The following SH3BP5 variants were observed in gnomAD, a reference collection of about 807,000 sequenced individuals.
SH3BP5 encodes the protein SH3 domain binding protein 5.
In SH3BP5, 22 loss-of-function variants were observed where a neutral mutation model predicts 43.3. That is an observed-to-expected ratio of 0.51 (90% CI 0.36 to 0.73). The LOEUF (loss-of-function observed/expected upper bound fraction) is 0.73. Among genes scored for constraint, SH3BP5 ranks in the 30% least tolerant of loss-of-function variants. The pLI is 0.00. For missense variants in SH3BP5, 529 were observed against 586.9 expected, an observed-to-expected ratio of 0.90 and a Z score of 1.02; for synonymous variants, 255 against 225.8, an observed-to-expected ratio of 1.13 and a Z score of -1.16.
chr3:15,302,896 C>T (rs1697792380), intron 3 of SH3BP5, among the ~76,000 whole-genome samples: 1 of 151,812 alleles, frequency 6.6e-6, no homozygotes, highest in Non-Finnish European at 1.5e-5. Context: ...GCAACCTCCA[C>T]CTCCCAGGTT....
rs1195091748 is a variant in SH3BP5 at position 15,256,602 on chromosome 3, C to T, written c.1150+251G>A. Reference sequence around the variant, plus strand: ...GAGAAACAAACCTCTCTACTATGTGCTTGCCAAGGAGACTGTTCTGATGTG... The same window carrying T: ...GAGAAACAAACCTCTCTACTATGTGTTTGCCAAGGAGACTGTTCTGATGTG... On this transcript the variant is annotated intron_variant, in intron 8 of 8. Transcript: ENST00000383791. 5.0e-6 allele frequency: 3 copies of T among 594,940 alleles called. No individual in the cohort carries two copies. The East Asian group carries it at 8.4e-5, about 17-fold the overall frequency. The allele number at this position is 594,940 out of a possible 1,614,324, so 36.9% of individuals were successfully genotyped here.
intron 4 of SH3BP5, among the ~76,000 whole-genome samples, chr3:15,267,762 G>T (rs1696684822): frequency 6.6e-6 from 1 of 152,182 alleles, no homozygotes; most frequent in South Asian, 2.1e-4. Flanking sequence ...GGAGGTCTGG[G>T]GATGCCACTC....
intron 2 of SH3BP5, among the ~76,000 whole-genome samples, chr3:15,311,498 TGCAGTGA>T (rs1486800949): frequency 6.6e-6 from 1 of 152,062 alleles, no homozygotes; most frequent in Non-Finnish European, 1.5e-5. Context: ...AAGTGGAGGT[TGCAGTGA>T]GCTGAGATCA....
In SH3BP5 at chr3:15,260,697, G is replaced by A. The variant is rs554761777; in HGVS notation, c.627-894C>T. 2.0e-5 allele frequency: 3 copies of A among 152,354 alleles called. No homozygotes were observed. In the South Asian group the frequency reaches 6.2e-4, roughly 32 times the overall value. The allele number at this position is 152,354 out of a possible 1,614,324, so 9.4% of individuals were successfully genotyped here. On this transcript the variant is annotated intron_variant, in intron 5 of 8. Transcript: ENST00000383791. ...GTGTGAATGGGCATCGGAGGGCACA[G>A]GGAAGATGTCCCAGCAAAAGGAACA...
In SH3BP5 at chr3:15,307,092, G is replaced by A. The variant is rs193158470; in HGVS notation, c.202-2861C>T. ...GCTTGCTAGTGGGTTTGAAAACGCC[G>A]CCGGCATTCCAAAATATGAGGATAA... is the stretch of plus-strand genomic sequence containing the variant. On this transcript the variant is annotated intron_variant, in intron 2 of 8. Transcript: ENST00000383791. Among the ~76,000 whole-genome samples the A allele has an allele frequency of 2.7e-4, 41 of 152,194 alleles. No homozygotes were observed. The East Asian group carries it at 4.6e-3, about 17-fold the overall frequency.
At chr3:15,332,613 G>A, upstream of SH3BP5, 1 of 1,187,380 alleles carries the variant, frequency 8.4e-7, no homozygotes, top group Non-Finnish European at 1.0e-6. Flanking sequence ...CCCCCTTTCT[G>A]CCGCGGCAGT....
chr3:15,332,312 G>T lies in SH3BP5; in HGVS notation c.97C>A (p.Gln33Lys). ...ACCTCTTCTTCCTCCTCCAGCCCCT[G>T]CTCCATCCCCTCTTCCTCCTCCTCC... ...EEEEEEEGME[Q>K]GLEEEEEVDP... is the part of the protein sequence containing the mutation. Residue 33 changes from glutamine to lysine, a missense_variant, in exon 1 of 9, where the codon CAG (glutamine) becomes AAG (lysine). By Grantham distance (53) the Gln-to-Lys change is moderately conservative. This residue lies in a region of SH3BP5 where 75 missense variants were observed against 61.8 expected (regional missense o/e 1.21). Coordinates refer to ENST00000383791, the MANE Select transcript of SH3BP5 (RefSeq NM_004844.5). 1 of 1,547,538 alleles carries T rather than the reference G, an allele frequency of 6.5e-7. No individual in the cohort carries two copies. The highest frequency in any genetic ancestry group is 8.7e-7 in the Non-Finnish European group (1 of 1,149,100).
intron 3 of SH3BP5, among the ~76,000 whole-genome samples, chr3:15,284,812 A>G (rs1697220610): frequency 6.6e-6 from 1 of 152,244 alleles, no homozygotes; most frequent in African/African-American, 2.4e-5. Flanking sequence ...CTCTTGGCCT[A>G]TGAGCCTGGG....
At chr3:15,297,213 G>A (rs567241328) in intron 3 of SH3BP5, among the ~76,000 whole-genome samples, 2 of 152,264 alleles carry the variant, frequency 1.3e-5, no homozygotes, top group South Asian at 4.1e-4. Flanking sequence ...CAAAAGGTAA[G>A]TCAGCTACTC....
At chr3:15,334,074 A>T (rs1422708227), upstream of SH3BP5, among the ~76,000 whole-genome samples, 1 of 152,180 alleles carries the variant, frequency 6.6e-6, no homozygotes, top group Non-Finnish European at 1.5e-5. Context: ...GTCAGCCCTG[A>T]CTATGATAAA....
chr3:15,334,689 G>A (rs1339435075), upstream of SH3BP5, among the ~76,000 whole-genome samples: 1 of 152,188 alleles, frequency 6.6e-6, no homozygotes, highest in African/African-American at 2.4e-5. Context: ...GGTGGTTCAT[G>A]CCTGTAATCT....
upstream of SH3BP5, among the ~76,000 whole-genome samples, chr3:15,335,282 G>A (rs1008867930): frequency 4.6e-5 from 7 of 151,760 alleles, no homozygotes; most frequent in African/African-American, 7.3e-5. Flanking sequence ...AGAGGCTGAG[G>A]CAGAAGAATC....
In SH3BP5 at chr3:15,257,020, G is replaced by A. The variant is rs1211661252; in HGVS notation, c.983C>T (p.Pro328Leu). The change falls in exon 8 of 9, where the codon CCA becomes CTA. Residue 328 changes from proline to leucine, a missense_variant. Transcript: ENST00000383791. ...GTCAGGCATCTCAGACGGGCTTGTTGGTCCTGAACTAAAGCTGGACACGGA... is the reference window on the plus strand; with the variant it reads ...GTCAGGCATCTCAGACGGGCTTGTTAGTCCTGAACTAAAGCTGGACACGGA... ...TQSVSSFSSG[P>L]TSPSEMPDQF... The A allele has an allele frequency of 3.7e-6, 6 of 1,614,190 alleles. No individual in the cohort carries two copies. In the East Asian group the frequency reaches 6.7e-5, roughly 18 times the overall value.
chr3:15,298,347 A>G (rs1313260751), intron 3 of SH3BP5, among the ~76,000 whole-genome samples: 1 of 152,232 alleles, frequency 6.6e-6, no homozygotes, highest in Non-Finnish European at 1.5e-5. Context: ...TTAAGAGGTG[A>G]GCCTACAAGT....
At chr3:15,308,181 C>A (rs572083827) in intron 2 of SH3BP5, among the ~76,000 whole-genome samples, 1 of 152,308 alleles carries the variant, frequency 6.6e-6, no homozygotes, top group African/African-American at 2.4e-5. Context: ...TGAGAGCTCT[C>A]TGGGGCACTG....
At chr3:15,274,255 A>G (rs114026432) in intron 3 of SH3BP5, among the ~76,000 whole-genome samples, 2,670 of 151,150 alleles carry the variant, frequency 0.018, 21 homozygotes, top group East Asian at 0.022. Context: ...CAACAAAAAA[A>G]AAAGAAAGAA....
At chr3:15,333,169 C>T, upstream of SH3BP5, 7 of 985,466 alleles carry the variant, frequency 7.1e-6, no homozygotes, top group Non-Finnish European at 8.4e-6. Context: ...TGGGCACACT[C>T]TGGCCAAGAA....
intron 3 of SH3BP5, 24 bp downstream of exon 3, chr3:15,304,079 G>T (rs1398002062): frequency 6.2e-7 from 1 of 1,601,366 alleles, no homozygotes; most frequent in Non-Finnish European, 8.6e-7. Context: ...CGAGGTAGGG[G>T]AGACATCTAT....
chr3:15,340,557 C>T (rs1183714409), intron 1 of SH3BP5, among the ~76,000 whole-genome samples: 3 of 151,988 alleles, frequency 2.0e-5, no homozygotes, highest in Non-Finnish European at 4.4e-5. Context: ...TTGAGACCAA[C>T]CTGGCCAACA....
Sources: gnomAD v4.1 joint callset for allele counts (sites outside exome capture counted in the v4.1 genomes callset) on GRCh38, gnomAD v4.1.1 for gene constraint, gnomAD v4.1.1 regional missense constraint, MANE v1.5 for transcripts, NCBI Gene and HGNC (gene_info 2026-07-23, HGNC 2026-07-21) for gene names.